Variants in TENM4 observed in about 807,000 individuals in gnomAD.
The protein encoded by TENM4 is teneurin-4.
Under a neutral mutation model 243.3 loss-of-function variants are expected in TENM4, and 82 were observed. That is an observed-to-expected ratio of 0.34 (90% confidence interval 0.28 to 0.40). The LOEUF (loss-of-function observed/expected upper bound fraction) is 0.40, where lower values mean the gene tolerates loss of function less well. TENM4 is among the 10% of genes least tolerant of loss of function. TENM4 has a pLI of 1.00. For synonymous variants in TENM4, 1,412 were observed against 1,456.3 expected (o/e 0.97, Z 0.69); for missense variants, 3,138 against 3,673.3 (o/e 0.85, Z 3.77).
intron 4 of TENM4, among the ~76,000 whole-genome samples, chr11:79,092,117 AG>A (rs1860970809): frequency 6.6e-6 from 1 of 152,144 alleles, no homozygotes; most frequent in Non-Finnish European, 1.5e-5. Flanking sequence ...CCTGGAGGCA[AG>A]GGGCAGGCCT....
chr11:79,314,626 G>A (rs1396299506), intron 1 of TENM4, among the ~76,000 whole-genome samples: 1 of 152,228 alleles, frequency 6.6e-6, no homozygotes, highest in Non-Finnish European at 1.5e-5. Context: ...AGAAAGTTTG[G>A]CTAGTCATAT....
At chr11:79,132,603 G>A (rs1248094805) in intron 4 of TENM4, among the ~76,000 whole-genome samples, 1 of 151,962 alleles carries the variant, frequency 6.6e-6, no homozygotes, top group East Asian at 1.9e-4. Flanking sequence ...GCCATAAAAT[G>A]AGCCTCAATA....
At chr11:79,390,839 G>T (rs1039099790) in intron 1 of TENM4, among the ~76,000 whole-genome samples, 1 of 152,150 alleles carries the variant, frequency 6.6e-6, no homozygotes, top group Non-Finnish European at 1.5e-5. Context: ...GGGAAGTGGG[G>T]GATGAAACTC....
intron 6 of TENM4, among the ~76,000 whole-genome samples, chr11:78,952,913 C>A (rs1857133745): frequency 6.6e-6 from 1 of 152,106 alleles, no homozygotes; most frequent in Non-Finnish European, 1.5e-5. Context: ...GTATGCATTC[C>A]CCCAAGGTTC....
In TENM4 at chr11:78,738,514, C is replaced by T. The variant is rs759404311; in HGVS notation, c.2813G>A (p.Gly938Asp). The change falls in exon 20 of 34, where the codon GGT becomes GAT. Residue 938 changes from glycine to aspartate, a missense_variant. Physicochemically the swap from Gly to Asp is moderately conservative, Grantham distance 94. Transcript: ENST00000278550. ...VMTSDGTPLV[G>D]VNISFVNNPL... ...GTTATTGACAAAACTGATGTTCACA[C>T]CAACCAGGGGGGTTCCATCTGATGT... 2 of 1,613,918 alleles carry T rather than the reference C, an allele frequency of 1.2e-6. No individual in the cohort carries two copies. The highest frequency in any genetic ancestry group is 2.2e-5 in the South Asian group (2 of 91,062).
Position 78,755,364 on chromosome 11 carries a change from T to C in TENM4, c.2756+1441A>G, listed in dbSNP as rs184602100. On this transcript the variant is annotated intron_variant, in intron 19 of 33. Transcript: ENST00000278550. ...TTTGTTTTTTTGGAGAGATGGGGTT[T>C]TGCCATGTTGACCAGGCTGGTCTCG... Among the ~76,000 whole-genome samples, 1,088 of 152,160 alleles carry C rather than the reference T, an allele frequency of 7.2e-3. 4 individuals carry two copies. Among genetic ancestry groups the C allele is most frequent in the Non-Finnish European group, 0.011 (780 of 68,004 alleles).
chr11:78,902,181 T>C (rs1223267982), intron 7 of TENM4, among the ~76,000 whole-genome samples: 1 of 152,224 alleles, frequency 6.6e-6, no homozygotes, highest in Non-Finnish European at 1.5e-5. Flanking sequence ...ATCTACAGTT[T>C]AGAGAAAGGG....
At position 78,658,238 on chromosome 11, in the gene TENM4, C is replaced by T; in HGVS notation, c.8130G>A (p.Leu2710=). ...RQAWAREQQR[L]REGEEGLRAW... ...CCCGCAGGCCTTCCTCCCCTTCCCG[C>T]AGTCTCTGCTGCTCGCGGGCCCACG... is the stretch of plus-strand genomic sequence containing the variant. The change falls in exon 34 of 34, where the codon CTG becomes CTA. Residue 2710 remains leucine, a synonymous_variant. Coordinates refer to ENST00000278550, the MANE Select transcript of TENM4 (RefSeq NM_001098816.3). The T allele has an allele frequency of 6.2e-7, 1 of 1,613,970 alleles. No individual in the cohort carries two copies. The highest frequency in any genetic ancestry group is 8.5e-7 in the Non-Finnish European group (1 of 1,179,838).
At chr11:78,665,267 TC>T (rs112958165) in intron 32 of TENM4, among the ~76,000 whole-genome samples, 2 of 152,086 alleles carry the variant, frequency 1.3e-5, no homozygotes, top group African/African-American at 4.8e-5. Context: ...TCTTTTTTTT[TC>T]CTCTGTCTCT....
At chr11:78,703,303 C>G (rs1590951731) in intron 27 of TENM4, among the ~76,000 whole-genome samples, 1 of 152,302 alleles carries the variant, frequency 6.6e-6, no homozygotes, top group East Asian at 1.9e-4. Context: ...TCCTCCAAAC[C>G]TACTGAATCA....
rs537305559 is a variant in TENM4, at chr11:78,879,471, G to A, written c.1084+10314C>T. Among the ~76,000 whole-genome samples the A allele has an allele frequency of 1.7e-3, 189 of 109,372 alleles. 2 individuals are homozygous for A. The highest frequency in any genetic ancestry group is 6.0e-3 in the African/African-American group (161 of 27,006). 71.8% of individuals were successfully genotyped at this position (109,372 alleles called of 152,430 possible). ...AGTGCCTCTGCCCGGCCGCCACACC[G>A]TCTGGGAGGTGAGGAGCGCCTCTAC... On this transcript the variant is annotated intron_variant, in intron 9 of 33. Transcript: ENST00000278550.
At chr11:78,770,556 AGAG>A (rs1391807722) in intron 18 of TENM4, among the ~76,000 whole-genome samples, 2 of 152,182 alleles carry the variant, frequency 1.3e-5, no homozygotes. Context: ...CTCCAGAATC[AGAG>A]GAGAAGAGAC....
chr11:79,244,494 A>G (rs1855479274), intron 2 of TENM4, among the ~76,000 whole-genome samples: 1 of 151,950 alleles, frequency 6.6e-6, no homozygotes, highest in African/African-American at 2.4e-5. Context: ...AAGCCCTTTT[A>G]ATCTCCGTGC....
At position 78,903,163 on chromosome 11, in the gene TENM4, GC is replaced by G. The variant is rs762134551; in HGVS notation, c.749+104del. Reference sequence around the variant, plus strand: ...CGTGCACCCAACCCCAGCTCCTCCGGCCGGCGTTATCTGGGGACACTGAATG... The same window carrying G: ...CGTGCACCCAACCCCAGCTCCTCCGGCGGCGTTATCTGGGGACACTGAATG... On this transcript the variant is annotated intron_variant, in intron 7 of 33. Coordinates refer to ENST00000278550, the MANE Select transcript of TENM4 (RefSeq NM_001098816.3). 1.0e-5 allele frequency: 14 copies of G among 1,385,866 alleles called. No homozygotes were observed. In the South Asian group the frequency reaches 2.2e-4, roughly 21 times the overall value. 85.8% of individuals were successfully genotyped at this position (1,385,866 alleles called of 1,614,324 possible).
intron 1 of TENM4, among the ~76,000 whole-genome samples, chr11:79,388,086 T>G (rs1051423821): frequency 6.6e-6 from 1 of 152,208 alleles, no homozygotes; most frequent in Non-Finnish European, 1.5e-5. Flanking sequence ...CAAATAGTCT[T>G]GAAATGTTCT....
intron 1 of TENM4, among the ~76,000 whole-genome samples, chr11:79,341,114 G>C (rs536306748): frequency 6.6e-6 from 1 of 152,288 alleles, no homozygotes; most frequent in African/African-American, 2.4e-5. Context: ...TGAGAAAATG[G>C]ATTCTCCCTT....
intron 6 of TENM4, among the ~76,000 whole-genome samples, chr11:79,059,431 TC>T (rs373092039): frequency 1.2e-4 from 18 of 152,274 alleles, no homozygotes; most frequent in African/African-American, 4.3e-4. Context: ...AATGAACTGC[TC>T]CTTTATTGTC....
chr11:78,770,197 T>G (rs116452938), intron 18 of TENM4, among the ~76,000 whole-genome samples: 1 of 152,188 alleles, frequency 6.6e-6, no homozygotes. Flanking sequence ...ATCTTCCAAG[T>G]GGGAAAGTAG....
chr11:78,955,590 C>T (rs1857194440), intron 6 of TENM4, among the ~76,000 whole-genome samples: 1 of 152,114 alleles, frequency 6.6e-6, no homozygotes, highest in Non-Finnish European at 1.5e-5. Flanking sequence ...TATTTTTGTA[C>T]CTTTTAATGC....
Sources: gnomAD v4.1 joint callset for allele counts (sites outside exome capture counted in the v4.1 genomes callset) on GRCh38, gnomAD v4.1.1 for gene constraint, MANE v1.5 for transcripts, NCBI Gene and HGNC (gene_info 2026-07-23, HGNC 2026-07-21) for gene names.